ADGRL2: variants seen among roughly 807,000 people sequenced by gnomAD.
The protein encoded by ADGRL2 is calcium-independent alpha-latrotoxin receptor 2.
In ADGRL2, 44 loss-of-function variants were observed where a neutral mutation model predicts 157.4. The ratio of observed to expected loss-of-function variants is 0.28; its 90% CI spans 0.22 to 0.36. ADGRL2 has a LOEUF of 0.36. ADGRL2 is among the 10% of genes least tolerant of loss of function. ADGRL2 has a pLI of 1.00. For synonymous variants in ADGRL2, 585 were observed against 624.7 expected (o/e 0.94, Z 0.95); for missense variants, 1,510 against 1,768.9 (o/e 0.85, Z 2.63).
chr1:81,564,679 A>G (rs942758430), intron 2 of ADGRL2, among the ~76,000 whole-genome samples: 6 of 152,196 alleles, frequency 3.9e-5, no homozygotes, highest in African/African-American at 1.4e-4. Context: ...TTCATTAGAA[A>G]AATGCAAGTT....
At chr1:81,507,268 C>T (rs2078993948) in intron 2 of ADGRL2, among the ~76,000 whole-genome samples, 1 of 151,982 alleles carries the variant, frequency 6.6e-6, no homozygotes. Context: ...GTGAGCCCCT[C>T]AGCACTTTCT....
At chr1:81,415,559 G>T (rs2077018254) in intron 1 of ADGRL2, among the ~76,000 whole-genome samples, 1 of 152,184 alleles carries the variant, frequency 6.6e-6, no homozygotes, top group South Asian at 2.1e-4. Flanking sequence ...TTGGTAAAGA[G>T]TTGAGTACAT....
chr1:81,676,599 C>A (rs956556399), intron 3 of ADGRL2, among the ~76,000 whole-genome samples: 1 of 152,108 alleles, frequency 6.6e-6, no homozygotes, highest in African/African-American at 2.4e-5. Context: ...CCATCCTGGG[C>A]CCTGATTAAC....
At chr1:81,321,338 T>C (rs143459257) in intron 1 of ADGRL2, among the ~76,000 whole-genome samples, 1 of 152,302 alleles carries the variant, frequency 6.6e-6, no homozygotes, top group African/African-American at 2.4e-5. Context: ...AGAGTAGCAG[T>C]TTTAATTTCC....
chr1:81,978,235 T>C (rs1660725363), intron 17 of ADGRL2, among the ~76,000 whole-genome samples: 1 of 151,678 alleles, frequency 6.6e-6, no homozygotes, highest in African/African-American at 2.4e-5. Flanking sequence ...CACAATACAA[T>C]AAGCACATCC....
chr1:81,567,801 C>G lies in ADGRL2; in HGVS notation c.-247-13075C>G, dbSNP rs1570525778. Among the ~76,000 whole-genome samples the G allele has an allele frequency of 2.6e-5, 4 of 152,122 alleles. No individual in the cohort carries two copies. The East Asian group carries it at 7.7e-4, about 29-fold the overall frequency. ...AAGATTAAAATATTGTTGAAACAAACTAGCTGATAGAGTAGGATGGGCTTC... is the reference window on the plus strand; with the variant it reads ...AAGATTAAAATATTGTTGAAACAAAGTAGCTGATAGAGTAGGATGGGCTTC... On this transcript the variant is annotated intron_variant, in intron 2 of 24. Coordinates refer to the ADGRL2 transcript ENST00000370721.
At chr1:81,910,615 A>G (rs1422381786) in intron 3 of ADGRL2, among the ~76,000 whole-genome samples, 1 of 149,934 alleles carries the variant, frequency 6.7e-6, no homozygotes, top group Non-Finnish European at 1.5e-5. Flanking sequence ...CGAGACACCT[A>G]ACTCTTGGCA....
intron 3 of ADGRL2, among the ~76,000 whole-genome samples, chr1:81,653,109 G>A (rs1322912259): frequency 1.3e-5 from 2 of 152,134 alleles, no homozygotes; most frequent in Middle Eastern, 3.4e-3. Flanking sequence ...ACAATGTCAA[G>A]TATATGTATA....
At chr1:81,349,539 G>T (rs536051415) in intron 1 of ADGRL2, among the ~76,000 whole-genome samples, 1 of 151,960 alleles carries the variant, frequency 6.6e-6, no homozygotes, top group South Asian at 2.1e-4. Context: ...ACTCTTTAAA[G>T]AAGTTTTTTC....
intron 15 of ADGRL2, among the ~76,000 whole-genome samples, chr1:81,970,038 T>C (rs1022980013): frequency 2.6e-4 from 39 of 152,168 alleles, no homozygotes; most frequent in African/African-American, 9.2e-4. Context: ...TTATTTGATA[T>C]TTAATTTCAC....
At chr1:81,542,786 G>A (rs578198128) in intron 2 of ADGRL2, among the ~76,000 whole-genome samples, 2 of 152,060 alleles carry the variant, frequency 1.3e-5, no homozygotes, top group African/African-American at 2.4e-5. Flanking sequence ...GAATATAAAG[G>A]ATATTTATAA....
chr1:81,513,456 C>G (rs2079115426), intron 2 of ADGRL2, among the ~76,000 whole-genome samples: 1 of 152,120 alleles, frequency 6.6e-6, no homozygotes, highest in Non-Finnish European at 1.5e-5. Context: ...ATTCACTGAG[C>G]TTCTACTACT....
intron 23 of ADGRL2, chr1:81,988,290 C>T (rs915506109): frequency 7.2e-5 from 11 of 152,188 alleles, no homozygotes; most frequent in Non-Finnish European, 1.5e-4. Context: ...TCAAAGATGG[C>T]TTAAATCTGC....
chr1:81,802,413 C>T (rs1571295701), intron 1 of ADGRL2, among the ~76,000 whole-genome samples: 1 of 152,062 alleles, frequency 6.6e-6, no homozygotes, highest in African/African-American at 2.4e-5. Flanking sequence ...CGCTCCCTCC[C>T]CCCAATCTCC....
At chr1:81,586,627 A>G (rs1210391897) in intron 3 of ADGRL2, among the ~76,000 whole-genome samples, 1 of 152,146 alleles carries the variant, frequency 6.6e-6, no homozygotes, top group South Asian at 2.1e-4. Context: ...TTATTTAGAA[A>G]AAGCTAAAAA....
chr1:81,647,677 T>A (rs764114039), intron 3 of ADGRL2, among the ~76,000 whole-genome samples: 4 of 152,148 alleles, frequency 2.6e-5, no homozygotes, highest in Non-Finnish European at 5.9e-5. Flanking sequence ...GTATTCAAGC[T>A]CTATTAGTCA....
chr1:81,390,570 C>G (rs976188516), intron 1 of ADGRL2, among the ~76,000 whole-genome samples: 3 of 151,392 alleles, frequency 2.0e-5, no homozygotes, highest in African/African-American at 7.2e-5. Context: ...AGTAAATGCC[C>G]TCCCTCCTAT....
intron 2 of ADGRL2, among the ~76,000 whole-genome samples, chr1:81,859,723 T>G (rs764631334): frequency 7.2e-5 from 11 of 152,176 alleles, no homozygotes; most frequent in Non-Finnish European, 1.5e-4. Context: ...ATAAAATTTT[T>G]AATGTTATTT....
At chr1:81,314,352 A>G (rs1185567759) in intron 1 of ADGRL2, among the ~76,000 whole-genome samples, 1 of 152,222 alleles carries the variant, frequency 6.6e-6, no homozygotes, top group Non-Finnish European at 1.5e-5. Flanking sequence ...TTGAGAAGCA[A>G]CAATGTCCAG....
Sources: allele counts gnomAD v4.1 joint callset (sites outside exome capture counted in the v4.1 genomes callset), GRCh38; gene constraint gnomAD v4.1.1; transcripts MANE v1.5; gene names NCBI Gene and HGNC (gene_info 2026-07-23, HGNC 2026-07-21).